ELK4: variants seen among roughly 807,000 people sequenced by gnomAD.
ELK4 encodes ETS transcription factor ELK4, also known as ETS domain-containing protein Elk-4.
ELK4 carries 16 observed loss-of-function variants against 29.6 expected under a neutral mutation model. That is an observed-to-expected ratio of 0.54 (90% CI 0.37 to 0.82). The LOEUF (loss-of-function observed/expected upper bound fraction) is 0.82. ELK4 is among the 40% of genes least tolerant of loss of function. The pLI, the probability that ELK4 is intolerant of heterozygous loss-of-function variation, is 0.00. For synonymous variants in ELK4, 213 were observed against 191.1 expected, an observed-to-expected ratio of 1.11 and a Z score of -0.95; for missense variants, 465 against 507.1, an observed-to-expected ratio of 0.92 and a Z score of 0.80.
chr1:205,620,236 T>C lies in ELK4; in HGVS notation c.810A>G (p.Pro270=), dbSNP rs781203138. The C allele has an allele frequency of 3.1e-6, 5 of 1,614,134 alleles. No homozygotes were observed. In the Admixed American group the frequency reaches 6.7e-5, roughly 22 times the overall value. Residue 270 remains proline, a synonymous_variant, in exon 3 of 5, where the codon CCA becomes CCG. Coordinates refer to ENST00000357992, the MANE Select transcript of ELK4 (RefSeq NM_001973.4). ...PLQEPPRTPS[P]PLSSHPDIDT... The stretch of plus-strand genomic sequence containing the variant: ...CGATGTCTGGGTGAGAACTCAGTGG[T>C]GGTGAAGGTGTTCTGGGAGGTTCCT...
Position 205,620,103 on chromosome 1 carries a change from T to C in ELK4, c.943A>G (p.Asn315Asp). Residue 315 changes from asparagine (N) to aspartate (D), a missense_variant, in exon 3 of 5, where the codon AAT becomes GAT. By Grantham distance (23) the Asn-to-Asp change is conservative. Around this residue, in one of 2 missense-constraint regions of ELK4, gnomAD observed 385 missense variants for 387.5 expected, o/e 0.99. Transcript: ENST00000357992. The stretch of plus-strand genomic sequence containing the variant: ...TTGGGTTTCTTGGATCTTGATGAAT[T>C]ATTTACTTTGTCCTTTTCTAGCAAG... ...SVLLEKDKVNNSSRSKKPKGL... is the reference protein window; with the variant it reads ...SVLLEKDKVNDSSRSKKPKGL... The C allele has an allele frequency of 1.2e-6, 2 of 1,614,222 alleles. No homozygotes were observed. The highest frequency in any genetic ancestry group is 1.6e-4 in the Middle Eastern group (1 of 6,062).
Position 205,608,888 on chromosome 1 carries a change from A to C in ELK4, c.*7658T>G. 1 of 196,522 alleles carries C rather than the reference A, an allele frequency of 5.1e-6. No homozygotes were observed. The highest frequency in any genetic ancestry group is 1.1e-5 in the Non-Finnish European group (1 of 94,710). 12.2% of individuals were successfully genotyped at this position (196,522 alleles called of 1,614,324 possible). On this transcript the variant is annotated 3_prime_UTR_variant, in exon 5 of 5. Coordinates refer to ENST00000357992, the MANE Select transcript of ELK4 (RefSeq NM_001973.4). ...CCAAACTAAGACATACACATAAAAT[A>C]ACATATCTCTCCTGTGTTAACACTG...
chr1:205,630,111 G>A (rs1470354512), intron 1 of ELK4, among the ~76,000 whole-genome samples: 1 of 151,296 alleles, frequency 6.6e-6, no homozygotes. Context: ...AAAAAAAAGA[G>A]GCTAATTACT....
At chr1:205,629,699 A>G (rs1212207105) in intron 1 of ELK4, among the ~76,000 whole-genome samples, 1 of 152,028 alleles carries the variant, frequency 6.6e-6, no homozygotes, top group Non-Finnish European at 1.5e-5. Flanking sequence ...CCTGGGCGAC[A>G]GAGCAAGACC....
At chr1:205,629,185 A>G (rs914300464) in intron 1 of ELK4, among the ~76,000 whole-genome samples, 3 of 150,526 alleles carry the variant, frequency 2.0e-5, no homozygotes, top group South Asian at 2.1e-4. Flanking sequence ...AAAAAAAAAA[A>G]AAAGAAAAGA....
rs1325347226 is a variant in ELK4 at position 205,631,982 on chromosome 1, G to A, written c.-360C>T. 6.6e-6 allele frequency: 1 copy of A among 151,742 alleles called. No individual in the cohort carries two copies. Among genetic ancestry groups the A allele is most frequent in the Admixed American group, 6.6e-5 (1 of 15,254 alleles). 9.4% of individuals were successfully genotyped at this position (151,742 alleles called of 1,614,324 possible). A position where few individuals can be genotyped will look rare whatever the true frequency, so the allele number is the denominator to read the frequency against. ...GGCCGCCGCCACTCTCAAACCCCCC[G>A]ACTGCTCCTGGGTCCCTCCCAGACG... On this transcript the variant is annotated 5_prime_UTR_variant, in exon 1 of 5. Transcript: ENST00000357992.
chr1:205,628,370 T>C (rs893004630), intron 1 of ELK4, among the ~76,000 whole-genome samples: 1 of 152,246 alleles, frequency 6.6e-6, no homozygotes, highest in Non-Finnish European at 1.5e-5. Flanking sequence ...GTAAATGTTA[T>C]CTTAAGCCAA....
At chr1:205,629,252 A>G (rs1484142216) in intron 1 of ELK4, among the ~76,000 whole-genome samples, 1 of 152,084 alleles carries the variant, frequency 6.6e-6, no homozygotes, top group Non-Finnish European at 1.5e-5. Flanking sequence ...TGAGAAAAAG[A>G]TATAAAGTGG....
At chr1:205,628,234 T>G (rs559975570) in intron 1 of ELK4, among the ~76,000 whole-genome samples, 1 of 152,260 alleles carries the variant, frequency 6.6e-6, no homozygotes, top group African/African-American at 2.4e-5. Flanking sequence ...TTCCCTGTTA[T>G]GTCTCTTGAG....
At position 205,621,193 on chromosome 1, in the gene ELK4, TAAAAAAAAA is replaced by T. The variant is rs61338827; in HGVS notation, c.208-364_208-356del. Among the ~76,000 whole-genome samples, 54 of 77,450 alleles carry T rather than the reference TAAAAAAAAA, an allele frequency of 7.0e-4. 1 individual carries two copies. Among genetic ancestry groups the T allele is most frequent in the East Asian group, 5.1e-3 (14 of 2,756 alleles). The allele number at this position is 77,450 out of a possible 152,430, so 50.8% of individuals were successfully genotyped here. ...CTGGTGACAGAGCAAGAGTCTGTCT[TAAAAAAAAA>T]AAAAAAAAAAAAAAAAAGAAAAAGC... On this transcript the variant is annotated intron_variant, in intron 2 of 4. Coordinates refer to ENST00000357992, the MANE Select transcript of ELK4 (RefSeq NM_001973.4).
At chr1:205,627,516 AAAAAG>A (rs3065075) in intron 1 of ELK4, among the ~76,000 whole-genome samples, 14,029 of 151,700 alleles carry the variant, frequency 0.092, 863 homozygotes, top group East Asian at 0.31. Flanking sequence ...CTCAAAAAAA[AAAAAG>A]AAAAGAAAAT....
At chr1:205,627,780 T>C (rs1670495745) in intron 1 of ELK4, among the ~76,000 whole-genome samples, 1 of 152,146 alleles carries the variant, frequency 6.6e-6, no homozygotes, top group African/African-American at 2.4e-5. Flanking sequence ...TAGTGGAAAA[T>C]AGTTGGGTTT....
rs1232825200 is a variant in ELK4 at position 205,608,727 on chromosome 1, A to G, written c.*7819T>C. 2 of 193,256 alleles carry G rather than the reference A, an allele frequency of 1.0e-5. No homozygotes were observed. Among genetic ancestry groups the G allele is most frequent in the South Asian group, 1.9e-4 (1 of 5,192 alleles). The allele number at this position is 193,256 out of a possible 1,614,324, so 12.0% of individuals were successfully genotyped here. The stretch of plus-strand genomic sequence containing the variant: ...TTACATTATATGTAAGTATCTCTAC[A>G]AAGTGTTAGATACTGGATATGAGAT... On this transcript the variant is annotated 3_prime_UTR_variant, in exon 5 of 5. Coordinates refer to ENST00000357992, the MANE Select transcript of ELK4 (RefSeq NM_001973.4).
chr1:205,624,369 G>A (rs1328211996), intron 1 of ELK4, among the ~76,000 whole-genome samples: 1 of 148,690 alleles, frequency 6.7e-6, no homozygotes, highest in Non-Finnish European at 1.5e-5. Flanking sequence ...TTATCTGCCT[G>A]TGAGTGTATG....
intron 3 of ELK4, chr1:205,619,682 G>A (rs960970978): frequency 3.6e-6 from 5 of 1,402,758 alleles, no homozygotes; most frequent in African/African-American, 1.5e-5. Context: ...AAGACCGAGA[G>A]AGAGCGAGAG....
rs1670599585 is a variant in ELK4, at chr1:205,631,850, C to G, written c.-228G>C. The G allele has an allele frequency of 6.7e-6, 1 of 148,336 alleles. No individual in the cohort carries two copies. Among genetic ancestry groups the G allele is most frequent in the South Asian group, 2.1e-4 (1 of 4,820 alleles). 9.2% of individuals were successfully genotyped at this position (148,336 alleles called of 1,614,324 possible). On this transcript the variant is annotated 5_prime_UTR_variant, in exon 1 of 5. Coordinates refer to ENST00000357992, the MANE Select transcript of ELK4 (RefSeq NM_001973.4). ...CCGCGGCTCCTGGCGCCCCGCCCTC[C>G]CCGCCCCCGCACGCGGCAGCGGCGG...
chr1:205,622,785 C>CT (rs1670375448), intron 2 of ELK4, among the ~76,000 whole-genome samples: 1 of 152,130 alleles, frequency 6.6e-6, no homozygotes, highest in Non-Finnish European at 1.5e-5. Context: ...CATATTTTTT[C>CT]TTTTAAAGAC....
rs1311476309 is a variant in ELK4 at position 205,620,382 on chromosome 1, T to A, written c.664A>T (p.Ile222Phe). The A allele has an allele frequency of 6.2e-7, 1 of 1,614,060 alleles. No homozygotes were observed. Among genetic ancestry groups the A allele is most frequent in the Non-Finnish European group, 8.5e-7 (1 of 1,180,042 alleles). Residue 222 changes from isoleucine (I) to phenylalanine (F), a missense_variant, in exon 3 of 5, where the codon ATC becomes TTC. By Grantham distance (21) the Ile-to-Phe change is conservative (BLOSUM62 0). Around this residue, in one of 2 missense-constraint regions of ELK4, gnomAD observed 385 missense variants for 387.5 expected, o/e 0.99. Coordinates refer to ENST00000357992, the MANE Select transcript of ELK4 (RefSeq NM_001973.4). ...GAAACCAATGTCTCCAAAGCTTGGA[T>A]AGTTTCTTCTGAAGATGGAGAAATA... Reference protein sequence around the residue: ...PSISPSSEETIQALETLVSPK... With the variant: ...PSISPSSEETFQALETLVSPK...
chr1:205,624,014 G>C (rs1021812166), intron 1 of ELK4, 123 bp from the exon 2 acceptor site: 1 of 853,266 alleles, frequency 1.2e-6, no homozygotes, highest in South Asian at 1.7e-5. Context: ...CTATAAGGTA[G>C]ATACTACTGC....
Sources: allele counts gnomAD v4.1 joint callset (sites outside exome capture counted in the v4.1 genomes callset), GRCh38; gene constraint gnomAD v4.1.1; regional missense constraint gnomAD v4.1.1; transcripts MANE v1.5; gene names NCBI Gene and HGNC (gene_info 2026-07-23, HGNC 2026-07-21).